Variants in MYRIP observed in about 807,000 individuals in gnomAD.
MYRIP encodes the protein myosin VIIA and Rab interacting protein.
In MYRIP, 49 loss-of-function variants were observed where a neutral mutation model predicts 98.0. That is an observed-to-expected ratio of 0.50 (90% CI 0.40 to 0.63). The LOEUF is 0.63. Among genes scored for constraint, MYRIP ranks in the 30% least tolerant of loss-of-function variants. The probability of loss-of-function intolerance (pLI) is 0.00; values close to 1 mark genes in which losing one functional copy is unlikely to be tolerated. For missense variants in MYRIP, 1,004 were observed against 1,058.2 expected (o/e 0.95, Z 0.71); for synonymous variants, 404 against 409.5 (o/e 0.99, Z 0.16).
rs957156136 is a variant in MYRIP, at chr3:40,159,775, A to T, written c.470-2955A>T. ...TTCCATCACTGATACCCTTTCTTCC[A>T]GTTGATCGCATCGGCTCCTGAGGCT... On this transcript the variant is annotated intron_variant, in intron 4 of 16. Coordinates refer to ENST00000302541, the MANE Select transcript of MYRIP (RefSeq NM_015460.4). 3.8e-4 allele frequency among the ~76,000 whole-genome samples: 58 copies of T among 152,080 alleles called. 1 individual carries two copies. The highest frequency in any genetic ancestry group is 1.4e-3 in the Admixed American group (22 of 15,270).
At chr3:40,071,149 T>C (rs964354888) in intron 3 of MYRIP, 9 of 985,332 alleles carry the variant, frequency 9.1e-6, no homozygotes, top group Non-Finnish European at 1.1e-5. Flanking sequence ...AGGAGCCATC[T>C]CCCTGACTTG....
chr3:40,237,105 C>T (rs1256538523), intron 12 of MYRIP, among the ~76,000 whole-genome samples: 1 of 152,094 alleles, frequency 6.6e-6, no homozygotes, highest in African/African-American at 2.4e-5. Flanking sequence ...TTGCTTGAGG[C>T]CAGGAGTTTG....
chr3:39,980,680 A>G lies in MYRIP; in HGVS notation c.111-63370A>G, dbSNP rs546024312. ...TCTATATGATATTCACTGTTGCTTT[A>G]GTTACCTTGTCCTGGCTGGATTTTC... On this transcript the variant is annotated intron_variant, in intron 2 of 16. Coordinates refer to ENST00000302541, the MANE Select transcript of MYRIP (RefSeq NM_015460.4). Among the ~76,000 whole-genome samples the G allele has an allele frequency of 1.1e-3, 163 of 152,324 alleles. 1 individual carries two copies. Among genetic ancestry groups the G allele is most frequent in the African/African-American group, 3.7e-3 (153 of 41,558 alleles).
At chr3:39,937,174 C>G (rs1239265283) in intron 2 of MYRIP, among the ~76,000 whole-genome samples, 1 of 152,160 alleles carries the variant, frequency 6.6e-6, no homozygotes, top group African/African-American at 2.4e-5. Flanking sequence ...GATGGCCCAT[C>G]CCCTGCCTTC....
intron 10 of MYRIP, among the ~76,000 whole-genome samples, chr3:40,199,213 G>A (rs1479135998): frequency 6.6e-6 from 1 of 152,170 alleles, no homozygotes; most frequent in African/African-American, 2.4e-5. Flanking sequence ...GGAGAGGATG[G>A]AGACCACAGC....
rs35424380 is a variant in MYRIP at position 40,209,697 on chromosome 3, TA to T, written c.1666-153del. On this transcript the variant is annotated intron_variant, in intron 10 of 16. Transcript: ENST00000302541. ...GCATTTGAGAAAGTAAAGGTAAAAC[TA>T]AAAGTCCATCTGAAGAGAAAGCAGA... Among the ~76,000 whole-genome samples, 1,446 of 152,208 alleles carry T rather than the reference TA, an allele frequency of 9.5e-3. 21 individuals carry two copies. The highest frequency in any genetic ancestry group is 0.021 in the Admixed American group (319 of 15,282).
intron 2 of MYRIP, among the ~76,000 whole-genome samples, chr3:39,940,640 A>G (rs1451406108): frequency 6.6e-6 from 1 of 152,098 alleles, no homozygotes; most frequent in African/African-American, 2.4e-5. Flanking sequence ...ATGGTACATG[A>G]TTTCTTATTG....
intron 2 of MYRIP, among the ~76,000 whole-genome samples, chr3:39,976,203 GA>G (rs200362308): frequency 0.019 from 2,805 of 150,264 alleles, 78 homozygotes; most frequent in African/African-American, 0.063. Context: ...AAATTTAAAA[GA>G]AAAAAAAACC....
rs1161845001 is a variant in MYRIP at position 40,159,015 on chromosome 3, A to G, written c.470-3715A>G. On this transcript the variant is annotated intron_variant, in intron 4 of 16. Coordinates refer to ENST00000302541, the MANE Select transcript of MYRIP (RefSeq NM_015460.4). Reference sequence around the variant, plus strand: ...TTACATTTAAAGTTAATATTGTTATATGTGAATTTGATCCTGTCATTATGA... The same window carrying G: ...TTACATTTAAAGTTAATATTGTTATGTGTGAATTTGATCCTGTCATTATGA... 2.0e-5 allele frequency among the ~76,000 whole-genome samples: 3 copies of G among 151,564 alleles called. No homozygotes were observed. The East Asian group carries it at 5.9e-4, about 30-fold the overall frequency.
intron 1 of MYRIP, among the ~76,000 whole-genome samples, chr3:39,870,104 G>A (rs1227107672): frequency 6.7e-6 from 1 of 148,236 alleles, no homozygotes; most frequent in Non-Finnish European, 1.5e-5. Flanking sequence ...TCCAGGGCAA[G>A]GGCAAGGGCA....
Position 40,071,205 on chromosome 3 carries a change from T to C in MYRIP, c.332+26934T>C, listed in dbSNP as rs562670773. 29 of 985,294 alleles carry C rather than the reference T, an allele frequency of 2.9e-5. No homozygotes were observed. The South Asian group carries it at 1.3e-3, about 45-fold the overall frequency. The allele number at this position is 985,294 out of a possible 1,614,324, so 61.0% of individuals were successfully genotyped here. On this transcript the variant is annotated intron_variant, in intron 3 of 16. Transcript: ENST00000302541. ...TACCGTAATCTCCTGGATGCAGAAG[T>C]CCCTCAGGCCCATCGGGTAAACTAA...
At chr3:40,222,715 T>C (rs951775608) in intron 11 of MYRIP, among the ~76,000 whole-genome samples, 1 of 152,092 alleles carries the variant, frequency 6.6e-6, no homozygotes, top group African/African-American at 2.4e-5. Context: ...ATATTGGAAT[T>C]CCCAGGCAGC....
At position 39,949,713 on chromosome 3, in the gene MYRIP, T is replaced by C. The variant is rs200009041; in HGVS notation, c.110+48787T>C. 4.6e-5 allele frequency among the ~76,000 whole-genome samples: 7 copies of C among 152,308 alleles called. No individual in the cohort carries two copies. The East Asian group carries it at 1.3e-3, about 29-fold the overall frequency. Reference sequence around the variant, plus strand: ...ATGACATTGATCTGACTTTGAGCTCTTAAGGCCTATCTTCAGATGGTTTGC... The same window carrying C: ...ATGACATTGATCTGACTTTGAGCTCCTAAGGCCTATCTTCAGATGGTTTGC... On this transcript the variant is annotated intron_variant, in intron 2 of 16. Transcript: ENST00000302541.
At chr3:40,031,856 G>C (rs1035703805) in intron 2 of MYRIP, among the ~76,000 whole-genome samples, 21 of 151,970 alleles carry the variant, frequency 1.4e-4, no homozygotes, top group Non-Finnish European at 2.9e-4. Flanking sequence ...ATTTTTTATT[G>C]CGTCTATTTG....
chr3:40,258,775 A>C lies in MYRIP; in HGVS notation c.*609A>C, dbSNP rs1575691722. 1 of 152,710 alleles carries C rather than the reference A, an allele frequency of 6.5e-6. No homozygotes were observed. Among genetic ancestry groups the C allele is most frequent in the Non-Finnish European group, 1.5e-5 (1 of 68,362 alleles). 9.5% of individuals were successfully genotyped at this position (152,710 alleles called of 1,614,324 possible). On this transcript the variant is annotated 3_prime_UTR_variant, in exon 17 of 17. Transcript: ENST00000302541. ...TGCTAAAAGCTTAGCCTACCACACT[A>C]CCAGTCATTCCCATCGCTTTGCAAT... is the stretch of plus-strand genomic sequence containing the variant.
At chr3:40,069,395 C>CTT (rs35427857) in intron 3 of MYRIP, among the ~76,000 whole-genome samples, 27 of 144,108 alleles carry the variant, frequency 1.9e-4, no homozygotes, top group Admixed American at 9.7e-4. Flanking sequence ...TCGCAAGATA[C>CTT]TTTTTTTTTT....
At chr3:40,095,878 TCTC>T (rs1948820580) in intron 3 of MYRIP, among the ~76,000 whole-genome samples, 1 of 151,204 alleles carries the variant, frequency 6.6e-6, no homozygotes, top group South Asian at 2.1e-4. Context: ...CTTCCCTCCT[TCTC>T]CTTCTCCTAC....
At chr3:39,956,855 C>T (rs1293205928) in intron 2 of MYRIP, among the ~76,000 whole-genome samples, 13 of 151,558 alleles carry the variant, frequency 8.6e-5, no homozygotes, top group Admixed American at 3.3e-4. Flanking sequence ...ATATCACCAC[C>T]GATCCCACAG....
intron 1 of MYRIP, among the ~76,000 whole-genome samples, chr3:39,819,114 C>T (rs896596328): frequency 2.0e-5 from 3 of 152,022 alleles, no homozygotes; most frequent in South Asian, 2.1e-4. Context: ...TTTGGGAGGC[C>T]GAGGTGTGTG....
Sources: allele counts gnomAD v4.1 joint callset (sites outside exome capture counted in the v4.1 genomes callset), GRCh38; gene constraint gnomAD v4.1.1; transcripts MANE v1.5; gene names NCBI Gene and HGNC (gene_info 2026-07-23, HGNC 2026-07-21).